TRIM66: variants seen among roughly 807,000 people sequenced by gnomAD.
The protein encoded by TRIM66 is tripartite motif containing 66.
A neutral mutation model predicts 148.2 loss-of-function variants in TRIM66; 99 were observed. The observed-to-expected ratio is 0.67, with a 90% CI of 0.57 to 0.79. The LOEUF (loss-of-function observed/expected upper bound fraction) is 0.79, where lower values mean the gene tolerates loss of function less well. TRIM66 is among the 30% of genes least tolerant of loss of function. The pLI is 0.00. For missense variants in TRIM66, 1,666 were observed against 1,697.9 expected (o/e 0.98, Z 0.33); for synonymous variants, 616 against 635.9 (o/e 0.97, Z 0.47).
rs1592028363 is a variant in TRIM66 at position 8,625,240 on chromosome 11, G to C, written c.2311-12C>G. 1 of 1,486,804 alleles carries C rather than the reference G, an allele frequency of 6.7e-7. No individual in the cohort carries two copies. The highest frequency in any genetic ancestry group is 9.0e-7 in the Non-Finnish European group (1 of 1,112,522). 92.1% of individuals were successfully genotyped at this position (1,486,804 alleles called of 1,614,324 possible). A position where few individuals can be genotyped will look rare whatever the true frequency, so the allele number is the denominator to read the frequency against. On this transcript the variant is annotated splice_polypyrimidine_tract_variant and intron_variant, in intron 15 of 24. Coordinates refer to ENST00000646038, the MANE Select transcript of TRIM66 (RefSeq NM_001388022.1). The stretch of plus-strand genomic sequence containing the variant: ...AGCGAGGTGGAGTGCTGCAGGAACA[G>C]AGACAAGGGGTAGAGTCAGGCTGCT...
chr11:8,638,434 A>C (rs535285297), intron 15 of TRIM66, among the ~76,000 whole-genome samples: 1 of 152,284 alleles, frequency 6.6e-6, no homozygotes, highest in South Asian at 2.1e-4. Context: ...CATGAAGCCC[A>C]GGAGGTCCCA....
At chr11:8,665,617 A>G (rs1346699303) in intron 6 of TRIM66, among the ~76,000 whole-genome samples, 1 of 152,130 alleles carries the variant, frequency 6.6e-6, no homozygotes, top group Non-Finnish European at 1.5e-5. Flanking sequence ...AGACACACAA[A>G]CCAACAAATA....
intron 6 of TRIM66, among the ~76,000 whole-genome samples, chr11:8,668,880 C>T (rs1394497020): frequency 6.6e-6 from 1 of 152,120 alleles, no homozygotes. Context: ...GCCACCGCGC[C>T]CAGTCCCAAG....
At chr11:8,672,483 T>C (rs2038982724) in intron 4 of TRIM66, 98 bp from the exon 5 acceptor site, 4 of 1,308,044 alleles carry the variant, frequency 3.1e-6, no homozygotes, top group Non-Finnish European at 4.0e-6. Context: ...GAGACACTTT[T>C]ACAAATTAAA....
chr11:8,620,019 G>A (rs1311438330), intron 22 of TRIM66, 31 bp downstream of exon 22: 1 of 1,541,392 alleles, frequency 6.5e-7, no homozygotes, highest in African/African-American at 1.4e-5. Context: ...CATGCAAGGA[G>A]AAGGTGAGAG....
Position 8,640,838 on chromosome 11 carries a change from G to A in TRIM66, c.1537C>T (p.Pro513Ser). 1 of 1,550,504 alleles carries A rather than the reference G, an allele frequency of 6.4e-7. No homozygotes were observed. Among genetic ancestry groups the A allele is most frequent in the Non-Finnish European group, 8.7e-7 (1 of 1,146,958 alleles). Residue 513 changes from proline to serine, a missense_variant, in exon 14 of 25, where the codon CCC becomes TCC. Physicochemically the swap from Pro to Ser is moderately conservative, Grantham distance 74 (BLOSUM62 -1). Coordinates refer to ENST00000646038, the MANE Select transcript of TRIM66 (RefSeq NM_001388022.1). ...CTGCAGGCCAGCTCTTTCTCCCTGGGCAGCAGGGCAGAGCACTGCAGAGAC... is the reference window on the plus strand; with the variant it reads ...CTGCAGGCCAGCTCTTTCTCCCTGGACAGCAGGGCAGAGCACTGCAGAGAC... ...LGSLQCSALLPREKELACSPH... is the reference protein window; with the variant it reads ...LGSLQCSALLSREKELACSPH...
rs1016348765 is a variant in TRIM66 at position 8,647,831 on chromosome 11, T to C, written c.842+139A>G. 7 of 702,386 alleles carry C rather than the reference T, an allele frequency of 1.0e-5. No homozygotes were observed. In the Admixed American group the frequency reaches 1.2e-4, roughly 12 times the overall value. 43.5% of individuals were successfully genotyped at this position (702,386 alleles called of 1,614,324 possible). A position where few individuals can be genotyped will look rare whatever the true frequency, so the allele number is the denominator to read the frequency against. The stretch of plus-strand genomic sequence containing the variant: ...CTGAGACCTCAAAGGCCAAGACATA[T>C]GCCTTCTAGGACATATGCCCACATC... On this transcript the variant is annotated intron_variant, in intron 10 of 24. Transcript: ENST00000646038.
intron 7 of TRIM66, 58 bp downstream of exon 7, chr11:8,651,742 C>T (rs1388980417): frequency 7.5e-7 from 1 of 1,333,534 alleles, no homozygotes; most frequent in Non-Finnish European, 1.1e-6. Flanking sequence ...GACTTATGGA[C>T]AGGGGCCTCA....
At chr11:8,637,615 G>A (rs985377363) in intron 15 of TRIM66, among the ~76,000 whole-genome samples, 1 of 152,198 alleles carries the variant, frequency 6.6e-6, no homozygotes, top group Non-Finnish European at 1.5e-5. Flanking sequence ...TCTAAGACAT[G>A]CATTGCAATG....
chr11:8,662,990 T>C (rs1049343713), intron 6 of TRIM66: 9 of 152,346 alleles, frequency 5.9e-5, no homozygotes, highest in African/African-American at 1.4e-4. Context: ...CCTGGGACCA[T>C]TCTTAATTAG....
At chr11:8,659,873 G>A (rs2133370843) in intron 6 of TRIM66, among the ~76,000 whole-genome samples, 1 of 152,032 alleles carries the variant, frequency 6.6e-6, no homozygotes, top group Admixed American at 6.5e-5. Context: ...TTTTTTTCTT[G>A]TTTGTTTGTC....
Position 8,621,792 on chromosome 11 carries a change from G to A in TRIM66, c.3108C>T (p.Pro1036=), listed in dbSNP as rs1281209762. The A allele has an allele frequency of 1.9e-6, 3 of 1,549,838 alleles. No homozygotes were observed. The African/African-American group carries it at 4.1e-5, about 21-fold the overall frequency. ...IRAFNSEHKI[P]YVRLERLKIC... Reference sequence around the variant, plus strand: ...TCTTGAGTCGCTCCAGTCGCACATAGGGAATCTTATGCTCACTATTGAAGG... The same window carrying A: ...TCTTGAGTCGCTCCAGTCGCACATAAGGAATCTTATGCTCACTATTGAAGG... Residue 1036 remains proline (P), a synonymous_variant, in exon 19 of 25, where the codon CCC becomes CCT. Transcript: ENST00000646038.
chr11:8,659,212 G>A (rs980730349), intron 6 of TRIM66, among the ~76,000 whole-genome samples: 2 of 152,098 alleles, frequency 1.3e-5, no homozygotes, highest in Non-Finnish European at 2.9e-5. Flanking sequence ...GAAGGGACCT[G>A]AATGCTAAGC....
At position 8,613,556 on chromosome 11, in the gene TRIM66, ACT is replaced by A. The variant is rs2033528574; in HGVS notation, c.*4386_*4387del. On this transcript the variant is annotated 3_prime_UTR_variant, in exon 25 of 25. Coordinates refer to ENST00000646038, the MANE Select transcript of TRIM66 (RefSeq NM_001388022.1). Reference sequence around the variant, plus strand: ...AAGGAAAATGTGTAAGGGGTAACAGACTCTGAGAAATGCTGTTTTAATCTTGT... The same window carrying A: ...AAGGAAAATGTGTAAGGGGTAACAGACTGAGAAATGCTGTTTTAATCTTGT... 1.3e-5 allele frequency: 2 copies of A among 152,140 alleles called. No individual in the cohort carries two copies. Among genetic ancestry groups the A allele is most frequent in the South Asian group, 4.1e-4 (2 of 4,822 alleles). 9.4% of individuals were successfully genotyped at this position (152,140 alleles called of 1,614,324 possible). A position where few individuals can be genotyped will look rare whatever the true frequency, so the allele number is the denominator to read the frequency against.
chr11:8,669,912 C>T (rs2038830343), intron 6 of TRIM66, among the ~76,000 whole-genome samples: 1 of 151,980 alleles, frequency 6.6e-6, no homozygotes, highest in African/African-American at 2.4e-5. Flanking sequence ...TATATAGGTA[C>T]ATTGTGTGTC....
rs949598238 is a variant in TRIM66, at chr11:8,618,792, G to A, written c.4077C>T (p.Tyr1359=). 1.9e-6 allele frequency: 3 copies of A among 1,551,114 alleles called. No homozygotes were observed. The Admixed American group carries it at 5.9e-5, about 30-fold the overall frequency. Residue 1359 remains tyrosine (Y), a synonymous_variant, in exon 24 of 25, where the codon TAC becomes TAT. Coordinates refer to ENST00000646038, the MANE Select transcript of TRIM66 (RefSeq NM_001388022.1). ...TCTTGGGTTGGATGCCCTCCTGCAT[G>A]TAGGGAGGCCACGGGAAGCCCTGGG... ...STPQGFPWPP[Y]MQEGIQPKRR...
At chr11:8,631,001 C>T (rs2035341068) in intron 15 of TRIM66, among the ~76,000 whole-genome samples, 1 of 152,164 alleles carries the variant, frequency 6.6e-6, no homozygotes, top group South Asian at 2.1e-4. Context: ...AGATGTGTTT[C>T]TAGAGTTCAG....
chr11:8,651,999 A>G lies in TRIM66; in HGVS notation c.341-96T>C. 3.2e-6 allele frequency: 3 copies of G among 949,024 alleles called. 1 individual carries two copies. Among genetic ancestry groups the G allele is most frequent in the Admixed American group, 5.0e-5 (2 of 39,742 alleles). The allele number at this position is 949,024 out of a possible 1,614,324, so 58.8% of individuals were successfully genotyped here. A position where few individuals can be genotyped will look rare whatever the true frequency, so the allele number is the denominator to read the frequency against. On this transcript the variant is annotated intron_variant, in intron 6 of 24. Coordinates refer to ENST00000646038, the MANE Select transcript of TRIM66 (RefSeq NM_001388022.1). ...TTTCTAATACACAACACCAAGATAC[A>G]TGGCAATACCCATGTGTGCCAAAAT... is the stretch of plus-strand genomic sequence containing the variant.
intron 7 of TRIM66, among the ~76,000 whole-genome samples, chr11:8,651,211 TG>T (rs2037326898): frequency 6.6e-6 from 1 of 152,158 alleles, no homozygotes; most frequent in Admixed American, 6.5e-5. Flanking sequence ...GCACAGGGTC[TG>T]GCACATGTGA....
Sources: allele counts gnomAD v4.1 joint callset (sites outside exome capture counted in the v4.1 genomes callset), GRCh38; gene constraint gnomAD v4.1.1; transcripts MANE v1.5; gene names NCBI Gene and HGNC (gene_info 2026-07-23, HGNC 2026-07-21).